VTA1: variants seen among roughly 807,000 people sequenced by gnomAD.
VTA1 encodes vesicle trafficking 1.
In VTA1, 24 loss-of-function variants were observed where a neutral mutation model predicts 36.9. The ratio of observed to expected loss-of-function variants is 0.65; its 90% CI spans 0.47 to 0.91. VTA1 has a LOEUF of 0.91. Ranked by LOEUF, VTA1 falls within the 40% of genes least tolerant of loss-of-function variation. The pLI is 0.00. For synonymous variants in VTA1, 142 were observed against 130.2 expected, an observed-to-expected ratio of 1.09 and a Z score of -0.62; for missense variants, 393 against 377.2, an observed-to-expected ratio of 1.04 and a Z score of -0.35.
chr6:142,189,885 T>C (rs1035550961), intron 5 of VTA1, among the ~76,000 whole-genome samples: 4 of 151,996 alleles, frequency 2.6e-5, no homozygotes, highest in Non-Finnish European at 5.9e-5. Context: ...GCCTCCCGAG[T>C]AGCTGGGACT....
chr6:142,189,486 A>C lies in VTA1; in HGVS notation c.472A>C (p.Asn158His). ...AACATACATCCATAATTGTTTAAAG[A>C]ATGGGGAGACTCCTCAAGCAGGCCC... The part of the protein sequence containing the change: ...KATYIHNCLK[N>H]GETPQAGPVG... Residue 158 changes from asparagine (N) to histidine (H), a missense_variant, in exon 5 of 8, where the codon AAT becomes CAT. Transcript: ENST00000367630. The C allele has an allele frequency of 1.2e-6, 2 of 1,614,074 alleles. No individual in the cohort carries two copies. The highest frequency in any genetic ancestry group is 1.7e-6 in the Non-Finnish European group (2 of 1,179,976).
Position 142,157,168 on chromosome 6 carries a change from A to C in VTA1, c.113-9060A>C, listed in dbSNP as rs2114632109. Among the ~76,000 whole-genome samples the C allele has an allele frequency of 2.0e-5, 3 of 152,318 alleles. No homozygotes were observed. The South Asian group carries it at 6.2e-4, about 32-fold the overall frequency. ...ACAGAGCGAGACTCCGTCTCAAAAA[A>C]ATGATAATAATAATAACTTGCCTCT... On this transcript the variant is annotated intron_variant, in intron 1 of 7. Transcript: ENST00000367630.
At chr6:142,163,459 CT>C (rs1307920844) in intron 1 of VTA1, among the ~76,000 whole-genome samples, 20 of 152,040 alleles carry the variant, frequency 1.3e-4, no homozygotes, top group Non-Finnish European at 2.6e-4. Flanking sequence ...GAAATGTACT[CT>C]TTTGGCTAGG....
At chr6:142,218,147 A>G (rs1276907873) in intron 7 of VTA1, among the ~76,000 whole-genome samples, 3 of 152,094 alleles carry the variant, frequency 2.0e-5, no homozygotes, top group Non-Finnish European at 4.4e-5. Context: ...TCCAGCTCAA[A>G]TGAGGGTTGA....
rs758732179 is a variant in VTA1, at chr6:142,204,074, GCTGA to G, written c.778+12_778+15del. The G allele has an allele frequency of 4.3e-5, 70 of 1,612,126 alleles. No homozygotes were observed. The highest frequency in any genetic ancestry group is 5.6e-5 in the Non-Finnish European group (66 of 1,178,542). On this transcript the variant is annotated intron_variant, in intron 7 of 7. Transcript: ENST00000367630. ...CAATACAATTTCCCAGGGTAAGTCA[GCTGA>G]CTATTTTGTGAGATACATTTATCTC...
rs114226201 is a variant in VTA1 at position 142,218,871 on chromosome 6, T to A, written c.*228T>A. 1.8e-3 allele frequency: 666 copies of A among 377,730 alleles called. 5 individuals carry two copies. Among genetic ancestry groups the A allele is most frequent in the African/African-American group, 0.011 (519 of 47,218 alleles). 23.4% of individuals were successfully genotyped at this position (377,730 alleles called of 1,614,324 possible). ...GTCTCTGAGTATATAGGGCTGATGTTAGCAAGACCCTAAAAATGTCCATTG... is the reference window on the plus strand; with the variant it reads ...GTCTCTGAGTATATAGGGCTGATGTAAGCAAGACCCTAAAAATGTCCATTG... On this transcript the variant is annotated 3_prime_UTR_variant, in exon 8 of 8. Transcript: ENST00000367630.
intron 1 of VTA1, among the ~76,000 whole-genome samples, chr6:142,160,941 A>G (rs1385755512): frequency 6.6e-6 from 1 of 152,178 alleles, no homozygotes; most frequent in Non-Finnish European, 1.5e-5. Context: ...TTTTCATTAC[A>G]TCATTTAATA....
At chr6:142,214,242 A>T (rs1305843689) in intron 7 of VTA1, among the ~76,000 whole-genome samples, 2 of 152,246 alleles carry the variant, frequency 1.3e-5, no homozygotes, top group African/African-American at 4.8e-5. Flanking sequence ...AAATGCCTCC[A>T]GCCTCTTTGC....
chr6:142,217,564 A>T (rs1223710319), intron 7 of VTA1, among the ~76,000 whole-genome samples: 1 of 151,458 alleles, frequency 6.6e-6, no homozygotes, highest in Non-Finnish European at 1.5e-5. Context: ...TTGTGTATAC[A>T]CACACGCAGC....
At chr6:142,194,773 G>A (rs1228971868) in intron 5 of VTA1, among the ~76,000 whole-genome samples, 1 of 151,960 alleles carries the variant, frequency 6.6e-6, no homozygotes, top group African/African-American at 2.4e-5. Flanking sequence ...CAATAAATAT[G>A]TCCATTGTTT....
chr6:142,196,143 A>G (rs1775548409), intron 5 of VTA1, among the ~76,000 whole-genome samples: 1 of 152,106 alleles, frequency 6.6e-6, no homozygotes. Flanking sequence ...CCTTTTTATT[A>G]TTATGGAACA....
intron 4 of VTA1, among the ~76,000 whole-genome samples, chr6:142,179,128 T>C (rs1366225156): frequency 6.6e-6 from 1 of 152,078 alleles, no homozygotes; most frequent in Non-Finnish European, 1.5e-5. Context: ...GAAAAACTCA[T>C]AATCATAATT....
At chr6:142,168,766 T>TTATTAC (rs1774972918) in intron 2 of VTA1, among the ~76,000 whole-genome samples, 1 of 147,732 alleles carries the variant, frequency 6.8e-6, no homozygotes, top group Non-Finnish European at 1.5e-5. Flanking sequence ...ATTATTATTA[T>TTATTAC]TATTATTATT....
chr6:142,157,573 G>A (rs1431392519), intron 1 of VTA1, among the ~76,000 whole-genome samples: 2 of 152,028 alleles, frequency 1.3e-5, no homozygotes, highest in Non-Finnish European at 2.9e-5. Context: ...AAGTTGAAGG[G>A]GCTGTGGAGT....
At chr6:142,210,916 T>G (rs1254445412) in intron 7 of VTA1, among the ~76,000 whole-genome samples, 1 of 152,170 alleles carries the variant, frequency 6.6e-6, no homozygotes, top group Non-Finnish European at 1.5e-5. Context: ...GGAATCAACC[T>G]AAATGGCTAT....
chr6:142,152,506 C>G (rs1266326970), intron 1 of VTA1, among the ~76,000 whole-genome samples: 1 of 151,494 alleles, frequency 6.6e-6, no homozygotes, highest in East Asian at 1.9e-4. Context: ...ACAACAGAAC[C>G]CCAATAGTCT....
chr6:142,164,017 C>CA (rs983006841), intron 1 of VTA1, among the ~76,000 whole-genome samples: 47 of 152,162 alleles, frequency 3.1e-4, no homozygotes, highest in African/African-American at 1.1e-3. Flanking sequence ...ATATGGGACT[C>CA]AAAGGCCTAG....
At chr6:142,181,094 A>AAAAAAATATAT (rs1471429927) in intron 4 of VTA1, among the ~76,000 whole-genome samples, 2 of 36,440 alleles carry the variant, frequency 5.5e-5, no homozygotes, top group African/African-American at 7.6e-5. Flanking sequence ...AAAAAAAAAA[A>AAAAAAATATAT]ATATATATAT....
Position 142,147,314 on chromosome 6 carries a change from G to T in VTA1, c.27G>T (p.Pro9=). 3 of 1,614,190 alleles carry T rather than the reference G, an allele frequency of 1.9e-6. No homozygotes were observed. Among genetic ancestry groups the T allele is most frequent in the Non-Finnish European group, 1.7e-6 (2 of 1,180,030 alleles). The change falls in exon 1 of 8, where the codon CCG becomes CCT. Residue 9 remains proline (P), a synonymous_variant. Transcript: ENST00000367630. The part of the protein sequence containing the change: MAALAPLP[P]LPAQFKSIQH... Reference sequence around the variant, plus strand: ...TGGCCGCGCTTGCACCGCTGCCCCCGCTCCCCGCACAGTTCAAGAGCATAC... The same window carrying T: ...TGGCCGCGCTTGCACCGCTGCCCCCTCTCCCCGCACAGTTCAAGAGCATAC...
Sources: allele counts gnomAD v4.1 joint callset (sites outside exome capture counted in the v4.1 genomes callset), GRCh38; gene constraint gnomAD v4.1.1; transcripts MANE v1.5; gene names NCBI Gene and HGNC (gene_info 2026-07-23, HGNC 2026-07-21).